Variants in HR observed in about 807,000 individuals in gnomAD.
The protein encoded by HR is lysine-specific demethylase hairless.
A neutral mutation model predicts 128.6 loss-of-function variants in HR; 83 were observed. The observed-to-expected ratio is 0.65, with a 90% confidence interval of 0.54 to 0.77. The LOEUF (loss-of-function observed/expected upper bound fraction) is 0.77. Ranked by LOEUF, HR falls within the 30% of genes least tolerant of loss-of-function variation. The pLI, the probability that HR is intolerant of heterozygous loss-of-function variation, is 0.00. For synonymous variants in HR, 681 were observed against 658.2 expected (o/e 1.03, Z -0.53); for missense variants, 1,490 against 1,574.6 (o/e 0.95, Z 0.91).
chr8:22,120,087 C>G lies in HR; in HGVS notation c.2846+17G>C, dbSNP rs749068167. On this transcript the variant is annotated intron_variant, in intron 13 of 18. Coordinates refer to ENST00000381418, the MANE Select transcript of HR (RefSeq NM_005144.5). ...CGGTGGCGGGGAGGTAGGGCTGGCC[C>G]TTGGTGACATACACACCTGCTGGTG... The G allele has an allele frequency of 9.5e-6, 15 of 1,579,462 alleles. No homozygotes were observed. The Admixed American group carries it at 2.4e-4, about 26-fold the overall frequency.
At chr8:22,130,242 G>A (rs910254042) in intron 1 of HR, among the ~76,000 whole-genome samples, 186 bp downstream of exon 1, 1 of 152,216 alleles carries the variant, frequency 6.6e-6, no homozygotes, top group Non-Finnish European at 1.5e-5. Context: ...GGCAGAGGGC[G>A]CCCAGGTTTT....
intron 3 of HR, 75 bp from the exon 4 acceptor site, chr8:22,125,807 C>T: frequency 1.3e-6 from 2 of 1,513,876 alleles, no homozygotes; most frequent in Non-Finnish European, 1.8e-6. Context: ...CCTTAGCGCC[C>T]ACCCCATCCA....
At chr8:22,115,847 C>T (rs747069734) in intron 18 of HR, 85 bp from the exon 19 acceptor site, 128 of 1,349,808 alleles carry the variant, frequency 9.5e-5, no homozygotes, top group Non-Finnish European at 1.3e-4. Context: ...AAGGAATACT[C>T]TGGCCAGATG....
At chr8:22,119,719 G>T (rs1258181457) in intron 14 of HR, 41 bp downstream of exon 14, 8 of 1,577,108 alleles carry the variant, frequency 5.1e-6, no homozygotes, top group Non-Finnish European at 6.9e-6. Context: ...AGGCAGACAG[G>T]CATGGGAGTA....
At chr8:22,119,141 C>T in intron 15 of HR, 23 bp downstream of exon 15, 3 of 1,613,790 alleles carry the variant, frequency 1.9e-6, no homozygotes, top group South Asian at 2.2e-5. Flanking sequence ...TGTCCCCGCT[C>T]CTGCCTCTGG....
In HR at chr8:22,120,463, C is replaced by T. The variant is rs760433405; in HGVS notation, c.2655G>A (p.Leu885=). The part of the protein sequence containing the change: ...SGIQRTLQGN[L]WGTEALGALG... ...GTGCCCCAAGAGCTTCTGTCCCCCA[C>T]AGGTTGCCCTGCAATGTCCTTTGGA... The change falls in exon 12 of 19, where the codon CTG becomes CTA. Residue 885 remains leucine (L), a synonymous_variant. Transcript: ENST00000381418. The T allele has an allele frequency of 1.2e-6, 2 of 1,614,072 alleles. No individual in the cohort carries two copies. Among genetic ancestry groups the T allele is most frequent in the South Asian group, 2.2e-5 (2 of 91,090 alleles).
chr8:22,119,273 C>T lies in HR; in HGVS notation c.2988G>A (p.Pro996=), dbSNP rs139561771. 1.4e-4 allele frequency: 233 copies of T among 1,613,490 alleles called. No individual in the cohort carries two copies. The highest frequency in any genetic ancestry group is 1.8e-4 in the Non-Finnish European group (209 of 1,180,042). The change falls in exon 15 of 19, where the codon CCG becomes CCA. Residue 996 remains proline (P), a synonymous_variant. Transcript: ENST00000381418. ...PQLWAAYGVS[P]HRGHLGTKNL... ...TCTTGGTCCCCAGGTGTCCCCGGTG[C>T]GGGCTCACACCTGCATGGCAATAGA...
At chr8:22,121,812 A>G (rs1249373083) in intron 8 of HR, 118 bp from the exon 9 acceptor site, 6 of 1,030,266 alleles carry the variant, frequency 5.8e-6, no homozygotes, top group Non-Finnish European at 9.0e-6. Context: ...AATCGTGTTT[A>G]TAGGAGCAAA....
intron 7 of HR, 81 bp downstream of exon 7, chr8:22,122,709 G>A: frequency 6.8e-7 from 1 of 1,480,436 alleles, no homozygotes; most frequent in Non-Finnish European, 9.2e-7. Flanking sequence ...GCATGGCACT[G>A]GGGGGAGGGA....
At position 22,127,846 on chromosome 8, in the gene HR, G is replaced by T; in HGVS notation, c.613-17C>A. The T allele has an allele frequency of 6.3e-7, 1 of 1,598,212 alleles. No homozygotes were observed. Among genetic ancestry groups the T allele is most frequent in the Non-Finnish European group, 8.5e-7 (1 of 1,179,716 alleles). On this transcript the variant is annotated splice_polypyrimidine_tract_variant and intron_variant, in intron 2 of 18. Coordinates refer to ENST00000381418, the MANE Select transcript of HR (RefSeq NM_005144.5). ...GTAAAAGCCCTAAAGAGGGGAGAAA[G>T]TGTTACGCTTCAGCTGACTTGGGCT...
rs1376184006 is a variant in HR, at chr8:22,116,884, A to G, written c.3369T>C (p.Ala1123=). ...GCCCGCTGGGAAGCACCTGGTGGGG[A>G]GCCCCTGCAGGCACCAGCACGGCCT... ...PGEAVLVPAG[A]PHQVQGLVST... The change falls in exon 17 of 19, where the codon GCT becomes GCC. Residue 1123 remains alanine, a synonymous_variant. Coordinates refer to ENST00000381418, the MANE Select transcript of HR (RefSeq NM_005144.5). This position sits in a 1 kb window ranked among gnomAD's most constrained non-coding sequence, Gnocchi z 4.2. 7 of 1,570,832 alleles carry G rather than the reference A, an allele frequency of 4.5e-6. 1 individual carries two copies. The South Asian group carries it at 8.1e-5, about 18-fold the overall frequency.
intron 6 of HR, 27 bp downstream of exon 6, chr8:22,123,622 C>G: frequency 3.4e-6 from 1 of 297,702 alleles, no homozygotes; most frequent in South Asian, 2.6e-5. Flanking sequence ...CTCCATCCCG[C>G]CCTCCCACCC....
In HR at chr8:22,116,471, T is replaced by C; in HGVS notation, c.3379-43A>G. 1 of 1,601,962 alleles carries C rather than the reference T, an allele frequency of 6.2e-7. No homozygotes were observed. Among genetic ancestry groups the C allele is most frequent in the South Asian group, 1.1e-5 (1 of 88,904 alleles). On this transcript the variant is annotated intron_variant, in intron 17 of 18. Transcript: ENST00000381418. This position sits in a 1 kb window ranked among gnomAD's most constrained non-coding sequence, Gnocchi z 4.2. ...GGACAGTGAGGCTCAAGATCACACA[T>C]CCTCTCCCTGTCCCCCTGGTCCCTG...
chr8:22,128,743 C>G lies in HR; in HGVS notation c.428G>C (p.Cys143Ser). The change falls in exon 2 of 19, where the codon TGC (cysteine) becomes TCC (serine). Residue 143 changes from cysteine to serine, a missense_variant. Transcript: ENST00000381418. Reference protein sequence around the residue: ...SDPVAFRPWHCPFLLETKILE... With the variant: ...SDPVAFRPWHSPFLLETKILE... Reference sequence around the variant, plus strand: ...GATCTTGGTCTCCAGAAGGAAAGGGCAGTGCCAGGGCCGGAAGGCCACAGG... The same window carrying G: ...GATCTTGGTCTCCAGAAGGAAAGGGGAGTGCCAGGGCCGGAAGGCCACAGG... 6.3e-7 allele frequency: 1 copy of G among 1,595,530 alleles called. No homozygotes were observed. Among genetic ancestry groups the G allele is most frequent in the South Asian group, 1.1e-5 (1 of 88,814 alleles).
chr8:22,122,482 C>T lies in HR; in HGVS notation c.2121+11G>A. ...CACGATACCCAACCGGTGACATGCCCTGGGTCTTACCTGCTGGCCTGCATC... is the reference window on the plus strand; with the variant it reads ...CACGATACCCAACCGGTGACATGCCTTGGGTCTTACCTGCTGGCCTGCATC... On this transcript the variant is annotated intron_variant, in intron 8 of 18. Coordinates refer to ENST00000381418, the MANE Select transcript of HR (RefSeq NM_005144.5). 6.3e-7 allele frequency: 1 copy of T among 1,591,276 alleles called. No homozygotes were observed. The highest frequency in any genetic ancestry group is 1.1e-5 in the South Asian group (1 of 88,424).
rs6557829 is a variant in HR at position 22,116,457 on chromosome 8, C to T, written c.3379-29G>A. On this transcript the variant is annotated intron_variant, in intron 17 of 18. Coordinates refer to ENST00000381418, the MANE Select transcript of HR (RefSeq NM_005144.5). The surrounding 1 kb of genome is among the most constrained non-coding windows in gnomAD (Gnocchi z 4.2). ...TGTCGGGGGGACATGGACAGTGAGG[C>T]TCAAGATCACACATCCTCTCCCTGT... 1.2e-6 allele frequency: 2 copies of T among 1,609,272 alleles called. No individual in the cohort carries two copies. The highest frequency in any genetic ancestry group is 1.7e-4 in the Middle Eastern group (1 of 5,972).
At chr8:22,126,009 G>A (rs889774491) in intron 3 of HR, among the ~76,000 whole-genome samples, 1 of 152,214 alleles carries the variant, frequency 6.6e-6, no homozygotes, top group Non-Finnish European at 1.5e-5. Context: ...CAGCTGGGGC[G>A]ATCGTCCTGA....
At position 22,125,741 on chromosome 8, in the gene HR, A is replaced by C. The variant is rs1826873726; in HGVS notation, c.1406-9T>G. ...CTGGCCATCTTGGGGTCCTGAGGGG[A>C]CAATGCAGAGGTCAGGAATCTGGGT... On this transcript the variant is annotated splice_polypyrimidine_tract_variant and intron_variant, in intron 3 of 18. Transcript: ENST00000381418. The C allele has an allele frequency of 1.2e-6, 2 of 1,613,376 alleles. No homozygotes were observed. Among genetic ancestry groups the C allele is most frequent in the Non-Finnish European group, 1.7e-6 (2 of 1,179,948 alleles).
At position 22,127,230 on chromosome 8, in the gene HR, C is replaced by G; in HGVS notation, c.1212G>C (p.Pro404=). The G allele has an allele frequency of 6.2e-7, 1 of 1,613,102 alleles. No individual in the cohort carries two copies. Among genetic ancestry groups the G allele is most frequent in the Non-Finnish European group, 8.5e-7 (1 of 1,180,022 alleles). ...PRGCPEVEER[P]VARLRALKRA... ...TTTTGAGGGCCCGGAGCCGAGCAAC[C>G]GGCCTCTCCTCGACCTCAGGGCAGC... Residue 404 remains proline (P), a synonymous_variant, in exon 3 of 19, where the codon CCG becomes CCC. Coordinates refer to ENST00000381418, the MANE Select transcript of HR (RefSeq NM_005144.5).
Sources: allele counts gnomAD v4.1 joint callset (sites outside exome capture counted in the v4.1 genomes callset), GRCh38; gene constraint gnomAD v4.1.1; non-coding constraint Gnocchi (gnomAD v3.1); transcripts MANE v1.5; gene names NCBI Gene and HGNC (gene_info 2026-07-23, HGNC 2026-07-21).